LRMDA: variants seen among roughly 807,000 people sequenced by gnomAD.
The protein encoded by LRMDA is leucine rich melanocyte differentiation associated, also known as leucine-rich melanocyte differentiation-associated protein.
A neutral mutation model predicts 29.8 loss-of-function variants in LRMDA; 18 were observed. That is an observed-to-expected ratio of 0.60 (90% CI 0.42 to 0.90). The LOEUF (loss-of-function observed/expected upper bound fraction) is 0.90. LRMDA is among the 40% of genes least tolerant of loss of function. The pLI, the probability that LRMDA is intolerant of heterozygous loss-of-function variation, is 0.00. For synonymous variants in LRMDA, 125 were observed against 109.4 expected (o/e 1.14, Z -0.89); for missense variants, 273 against 273.9 (o/e 1.00, Z 0.02).
intron 2 of LRMDA, among the ~76,000 whole-genome samples, chr10:75,805,354 A>T (rs773543670): frequency 1.3e-5 from 2 of 152,208 alleles, no homozygotes; most frequent in African/African-American, 2.4e-5. Flanking sequence ...TGTGCTGCTG[A>T]TCTAAGATGT....
intron 2 of LRMDA, among the ~76,000 whole-genome samples, chr10:75,448,092 T>C (rs1251172868): frequency 6.6e-6 from 1 of 152,214 alleles, no homozygotes; most frequent in Non-Finnish European, 1.5e-5. Flanking sequence ...AGAGAGTTGC[T>C]AAGGGGCCAC....
At chr10:75,500,606 A>G (rs544284931) in intron 2 of LRMDA, among the ~76,000 whole-genome samples, 1 of 152,322 alleles carries the variant, frequency 6.6e-6, no homozygotes, top group African/African-American at 2.4e-5. Flanking sequence ...GAGACTGGGT[A>G]ATTTATAAAG....
chr10:76,519,714 C>A (rs1370183894), intron 6 of LRMDA, among the ~76,000 whole-genome samples: 1 of 152,108 alleles, frequency 6.6e-6, no homozygotes, highest in African/African-American at 2.4e-5. Flanking sequence ...TAAAAAATAG[C>A]AAAATGCCTC....
intron 6 of LRMDA, among the ~76,000 whole-genome samples, chr10:76,554,221 C>T (rs1300432327): frequency 1.3e-5 from 2 of 152,084 alleles, no homozygotes; most frequent in Admixed American, 6.5e-5. Flanking sequence ...TCGTTAGAGC[C>T]GCAGGCAGCG....
At chr10:75,610,716 A>G (rs1322549843) in intron 2 of LRMDA, among the ~76,000 whole-genome samples, 4 of 152,152 alleles carry the variant, frequency 2.6e-5, no homozygotes, top group African/African-American at 9.7e-5. Flanking sequence ...TAATGTCTTT[A>G]TAATAGGCAA....
At chr10:75,733,186 G>A (rs1320196284) in intron 2 of LRMDA, among the ~76,000 whole-genome samples, 5 of 152,198 alleles carry the variant, frequency 3.3e-5, no homozygotes, top group Non-Finnish European at 2.9e-5. Flanking sequence ...TGACAGCCAT[G>A]CCCAGGCCTC....
At chr10:75,741,390 C>T (rs1024956398) in intron 2 of LRMDA, among the ~76,000 whole-genome samples, 4 of 151,996 alleles carry the variant, frequency 2.6e-5, no homozygotes, top group African/African-American at 9.7e-5. Context: ...CCTTTCTGAT[C>T]TCTCTGACAT....
chr10:75,497,523 C>T (rs1845061187), intron 2 of LRMDA, among the ~76,000 whole-genome samples: 1 of 151,640 alleles, frequency 6.6e-6, no homozygotes, highest in Non-Finnish European at 1.5e-5. Flanking sequence ...TTGATAAATA[C>T]ACGCACCTGT....
intron 6 of LRMDA, among the ~76,000 whole-genome samples, chr10:76,464,340 G>A (rs1427559583): frequency 6.6e-6 from 1 of 152,136 alleles, no homozygotes; most frequent in East Asian, 1.9e-4. Flanking sequence ...GGTGTGTTGG[G>A]AACTGCAATT....
intron 3 of LRMDA, among the ~76,000 whole-genome samples, chr10:76,037,886 G>T (rs1338904997): frequency 6.6e-6 from 1 of 152,124 alleles, no homozygotes; most frequent in Non-Finnish European, 1.5e-5. Flanking sequence ...GGTCATTATT[G>T]TCACTTTGAT....
intron 6 of LRMDA, among the ~76,000 whole-genome samples, chr10:76,372,733 A>T (rs896117152): frequency 6.6e-6 from 1 of 152,144 alleles, no homozygotes; most frequent in Admixed American, 6.6e-5. Flanking sequence ...GTACTCAGCT[A>T]AGGGGTGCAG....
intron 2 of LRMDA, among the ~76,000 whole-genome samples, chr10:75,764,792 A>G (rs1235023260): frequency 2.0e-5 from 3 of 152,118 alleles, no homozygotes; most frequent in Non-Finnish European, 4.4e-5. Flanking sequence ...AGCAAACCGT[A>G]TTTTTCACAT....
rs543601084 is a variant in LRMDA, at chr10:76,163,851, A to G, written c.516+105068A>G. ...TTCTGAAGATGAGTCTCATGAATCC[A>G]TTGTCTCTGTTTTTCATGACTGCAC... is the stretch of plus-strand genomic sequence containing the variant. On this transcript the variant is annotated intron_variant, in intron 5 of 6. Transcript: ENST00000611255. Among the ~76,000 whole-genome samples, 8 of 152,290 alleles carry G rather than the reference A, an allele frequency of 5.3e-5. No individual in the cohort carries two copies. The South Asian group carries it at 1.7e-3, about 32-fold the overall frequency.
chr10:76,257,273 T>C (rs1361477421), intron 5 of LRMDA, among the ~76,000 whole-genome samples: 2 of 151,840 alleles, frequency 1.3e-5, no homozygotes, highest in East Asian at 3.9e-4. Flanking sequence ...GAGGAAGGGG[T>C]ATTAATAATT....
intron 5 of LRMDA, among the ~76,000 whole-genome samples, chr10:76,177,084 G>T (rs1850950364): frequency 6.6e-6 from 1 of 152,206 alleles, no homozygotes; most frequent in East Asian, 1.9e-4. Flanking sequence ...AAGGGGAAAA[G>T]CACAGCCTGT....
In LRMDA at chr10:76,296,502, C is replaced by T. The variant is rs200481949; in HGVS notation, c.517-27899C>T. 6.6e-5 allele frequency among the ~76,000 whole-genome samples: 10 copies of T among 152,322 alleles called. No individual in the cohort carries two copies. In the South Asian group the frequency reaches 8.3e-4, roughly 13 times the overall value. On this transcript the variant is annotated intron_variant, in intron 5 of 6. Transcript: ENST00000611255. The stretch of plus-strand genomic sequence containing the variant: ...AAACCCAACTATTTAATGTTTTTAA[C>T]GGCATAATGTGTTAATAGCCATACA...
At chr10:76,308,092 G>A (rs1014028545) in intron 5 of LRMDA, among the ~76,000 whole-genome samples, 45 of 152,180 alleles carry the variant, frequency 3.0e-4, no homozygotes, top group African/African-American at 1.0e-3. Context: ...TCTCTGTAAT[G>A]TAAATAACAA....
At chr10:75,944,433 T>G (rs1846444244) in intron 2 of LRMDA, among the ~76,000 whole-genome samples, 1 of 152,070 alleles carries the variant, frequency 6.6e-6, no homozygotes, top group South Asian at 2.1e-4. Flanking sequence ...ATCTGCGTGT[T>G]TAAGCTTTTT....
intron 2 of LRMDA, among the ~76,000 whole-genome samples, chr10:75,967,930 C>T (rs1473917941): frequency 6.6e-6 from 1 of 152,126 alleles, no homozygotes. Context: ...TGTCCCGTTC[C>T]ATTTAAGACC....
Sources: allele counts gnomAD v4.1 joint callset (sites outside exome capture counted in the v4.1 genomes callset), GRCh38; gene constraint gnomAD v4.1.1; transcripts MANE v1.5; gene names NCBI Gene and HGNC (gene_info 2026-07-23, HGNC 2026-07-21).